Variants in EPHA8 observed in about 807,000 individuals in gnomAD.
EPHA8 encodes the protein EPH receptor A8.
A neutral mutation model predicts 103.6 loss-of-function variants in EPHA8; 58 were observed. The observed-to-expected ratio is 0.56, with a 90% CI of 0.45 to 0.70. The LOEUF is 0.70. Ranked by LOEUF, EPHA8 falls within the 30% of genes least tolerant of loss-of-function variation. EPHA8 has a pLI of 0.00. For missense variants in EPHA8, 1,304 were observed against 1,395.2 expected (o/e 0.93, Z 1.04); for synonymous variants, 559 against 572.5 (o/e 0.98, Z 0.34).
chr1:22,569,803 C>T lies in EPHA8; in HGVS notation c.159+450C>T, dbSNP rs1291247050. ...CCTGGCCACAGACTCTGGACTCAGC[C>T]TTCAGGTCGCTGTGGGTCATGTGCT... On this transcript the variant is annotated intron_variant, in intron 2 of 16. Transcript: ENST00000166244. The surrounding 1 kb of genome is among the most constrained non-coding windows in gnomAD (Gnocchi z 4.5). Among the ~76,000 whole-genome samples, 1 of 152,188 alleles carries T rather than the reference C, an allele frequency of 6.6e-6. No individual in the cohort carries two copies. The highest frequency in any genetic ancestry group is 2.4e-5 in the African/African-American group (1 of 41,446).
intron 3 of EPHA8, among the ~76,000 whole-genome samples, chr1:22,585,044 T>C (rs879887225): frequency 1.7e-3 from 204 of 117,420 alleles, no homozygotes; most frequent in Middle Eastern, 3.8e-3. Context: ...TGTGTGTGTG[T>C]GTGTGTGCGC....
chr1:22,575,007 G>T (rs1404231844), intron 2 of EPHA8, among the ~76,000 whole-genome samples: 2 of 152,140 alleles, frequency 1.3e-5, no homozygotes, highest in Non-Finnish European at 2.9e-5. Flanking sequence ...CTGGAGAACA[G>T]TAGTGCGATC....
At chr1:22,585,027 C>CTGTG (rs772415643) in intron 3 of EPHA8, among the ~76,000 whole-genome samples, 6,998 of 147,524 alleles carry the variant, frequency 0.047, 388 homozygotes, top group African/African-American at 0.13. Flanking sequence ...GGTCGTTTCT[C>CTGTG]TGTGTGTGTG....
At position 22,597,962 on chromosome 1, in the gene EPHA8, C is replaced by A; in HGVS notation, c.2116+101C>A. ...TCCATCCTGCTCTGCCCCACCTGAC[C>A]CTGTCCTCTTGGTTCAGGTCCCTGA... On this transcript the variant is annotated intron_variant, in intron 11 of 16. Coordinates refer to ENST00000166244, the MANE Select transcript of EPHA8 (RefSeq NM_020526.5). The surrounding 1 kb of genome is among the most constrained non-coding windows in gnomAD (Gnocchi z 4.6). 1.3e-6 allele frequency: 2 copies of A among 1,500,950 alleles called. No individual in the cohort carries two copies. The highest frequency in any genetic ancestry group is 2.3e-5 in the East Asian group (1 of 43,948). The allele number at this position is 1,500,950 out of a possible 1,614,324, so 93.0% of individuals were successfully genotyped here.
rs777254460 is a variant in EPHA8 at position 22,593,345 on chromosome 1, G to A, written c.1335G>A (p.Val445=). The A allele has an allele frequency of 6.3e-7, 1 of 1,575,980 alleles. No individual in the cohort carries two copies. Among genetic ancestry groups the A allele is most frequent in the Non-Finnish European group, 8.6e-7 (1 of 1,160,526 alleles). ...CCCCAGCCCCGTCCCAGGTGGTGGT[G>A]ATCCGTCAAGAGCGGGCGGGGCAGA... ...TNQAAPSQVV[V]IRQERAGQTS... The change falls in exon 6 of 17, where the codon GTG becomes GTA. Residue 445 remains valine (V), a synonymous_variant. Transcript: ENST00000166244.
chr1:22,590,245 C>A (rs1280333361), intron 5 of EPHA8, among the ~76,000 whole-genome samples: 2 of 152,168 alleles, frequency 1.3e-5, no homozygotes, highest in Non-Finnish European at 2.9e-5. Context: ...GCACCTGAGG[C>A]CCCTGGCAGG....
At chr1:22,588,550 G>A (rs183827252) in intron 4 of EPHA8, among the ~76,000 whole-genome samples, 14 of 151,998 alleles carry the variant, frequency 9.2e-5, no homozygotes, top group Non-Finnish European at 1.6e-4. Context: ...GGGCACCCCC[G>A]GGACTGTGCG....
intron 4 of EPHA8, 74 bp downstream of exon 4, chr1:22,586,709 C>T (rs953737275): frequency 9.0e-6 from 14 of 1,559,628 alleles, no homozygotes; most frequent in Non-Finnish European, 1.1e-5. Flanking sequence ...GTCCTCCAGG[C>T]CTCAGAGAGC....
At chr1:22,578,107 CAT>C (rs1640808464) in intron 3 of EPHA8, among the ~76,000 whole-genome samples, 1 of 16,074 alleles carries the variant, frequency 6.2e-5, no homozygotes. Context: ...TCAGTGTATG[CAT>C]GTGTGCGTGA....
chr1:22,564,344 G>T (rs1313860975), intron 1 of EPHA8, among the ~76,000 whole-genome samples: 2 of 151,412 alleles, frequency 1.3e-5, no homozygotes, highest in Non-Finnish European at 2.9e-5. Context: ...ACAGTCTGGC[G>T]ACGGGCTGGG....
rs748031383 is a variant in EPHA8, at chr1:22,589,406, G to C, written c.1315+200G>C. 6.6e-7 allele frequency: 1 copy of C among 1,509,866 alleles called. No individual in the cohort carries two copies. Among genetic ancestry groups the C allele is most frequent in the Non-Finnish European group, 8.8e-7 (1 of 1,135,938 alleles). 93.5% of individuals were successfully genotyped at this position (1,509,866 alleles called of 1,614,324 possible). A position where few individuals can be genotyped will look rare whatever the true frequency, so the allele number is the denominator to read the frequency against. ...AAAGTGGAACACATTCTATAAGTAA[G>C]AGAAATCCCAAAAGCTCAGAGGCAG... On this transcript the variant is annotated intron_variant, in intron 5 of 16. Transcript: ENST00000166244. The surrounding 1 kb of genome is among the most constrained non-coding windows in gnomAD (Gnocchi z 4.3).
Position 22,595,273 on chromosome 1 carries a change from G to T in EPHA8, c.1647G>T (p.Thr549=). ...DTRTIVWICL[T]LITGLVVLLL... is the part of the protein sequence containing the mutation. ...GGACCATTGTCTGGATCTGCCTGAC[G>T]CTCATCACGGGCCTGGTGGTGCTTC... The change falls in exon 8 of 17, where the codon ACG becomes ACT. Residue 549 remains threonine (T), a synonymous_variant. Transcript: ENST00000166244. 1 of 1,613,806 alleles carries T rather than the reference G, an allele frequency of 6.2e-7. No individual in the cohort carries two copies. Among genetic ancestry groups the T allele is most frequent in the Admixed American group, 1.7e-5 (1 of 60,020 alleles).
At chr1:22,586,686 G>A in intron 4 of EPHA8, 51 bp downstream of exon 4, 2 of 1,594,042 alleles carry the variant, frequency 1.3e-6, no homozygotes, top group Middle Eastern at 3.3e-4. Flanking sequence ...ACTGGGCCGG[G>A]CCCCTGTGTT....
chr1:22,601,151 TC>T lies in EPHA8; in HGVS notation c.2729+66del. 5.8e-6 allele frequency: 9 copies of T among 1,547,740 alleles called. No individual in the cohort carries two copies. The South Asian group carries it at 1.1e-4, about 19-fold the overall frequency. On this transcript the variant is annotated intron_variant, in intron 15 of 16. Coordinates refer to ENST00000166244, the MANE Select transcript of EPHA8 (RefSeq NM_020526.5). ...GCCTCCCAGTATTGCCCCAGATCTG[TC>T]CCTGGGACAGTTTGGCCCTGACACT...
intron 8 of EPHA8, among the ~76,000 whole-genome samples, chr1:22,595,767 A>G (rs906699906): frequency 1.3e-5 from 2 of 152,238 alleles, no homozygotes; most frequent in Admixed American, 6.5e-5. Context: ...AAGGTCATCC[A>G]TGTAGTTGGC....
chr1:22,579,047 A>C (rs189385945), intron 3 of EPHA8, among the ~76,000 whole-genome samples: 1 of 137,320 alleles, frequency 7.3e-6, no homozygotes, highest in Non-Finnish European at 1.6e-5. Flanking sequence ...ATGTGTGTGC[A>C]TTTGTGCATG....
chr1:22,597,696 T>C lies in EPHA8; in HGVS notation c.1951T>C (p.Tyr651His). 1 of 1,611,166 alleles carries C rather than the reference T, an allele frequency of 6.2e-7. No homozygotes were observed. The highest frequency in any genetic ancestry group is 1.7e-5 in the Admixed American group (1 of 59,902). The change falls in exon 11 of 17, where the codon TAC (tyrosine) becomes CAC (histidine). Residue 651 changes from tyrosine to histidine, a missense_variant. Transcript: ENST00000166244. The surrounding 1 kb of genome is among the most constrained non-coding windows in gnomAD (Gnocchi z 4.6). ...IGSGDSGEVC[Y>H]GRLRVPGQRD... ...TGCAGGAGACTCCGGGGAAGTCTGC[T>C]ACGGGAGGCTGCGGGTGCCAGGGCA...
Position 22,596,805 on chromosome 1 carries a change from G to A in EPHA8, c.1766-507G>A, listed in dbSNP as rs541678479. On this transcript the variant is annotated intron_variant, in intron 9 of 16. Coordinates refer to ENST00000166244, the MANE Select transcript of EPHA8 (RefSeq NM_020526.5). ...GCCTCCCAAGTAGCTCAGATTACAA[G>A]CATTCACCATGCACTACTAATTTTT... Among the ~76,000 whole-genome samples the A allele has an allele frequency of 3.8e-4, 58 of 151,998 alleles. 1 individual carries two copies. The South Asian group carries it at 0.012, about 31-fold the overall frequency.
chr1:22,575,460 T>A (rs1640659190), intron 2 of EPHA8, among the ~76,000 whole-genome samples: 1 of 152,222 alleles, frequency 6.6e-6, no homozygotes. Context: ...GTTGTCGAGT[T>A]GTGGGAATTC....
Sources: gnomAD v4.1 joint callset for allele counts (sites outside exome capture counted in the v4.1 genomes callset) on GRCh38, gnomAD v4.1.1 for gene constraint, Gnocchi (gnomAD v3.1) non-coding constraint, MANE v1.5 for transcripts, NCBI Gene and HGNC (gene_info 2026-07-23, HGNC 2026-07-21) for gene names.